The following NAALADL2 variants were observed in gnomAD, a reference collection of about 807,000 sequenced individuals.
NAALADL2 encodes the protein inactive N-acetylated-alpha-linked acidic dipeptidase-like protein 2.
NAALADL2 carries 76 observed loss-of-function variants against 87.2 expected under a neutral mutation model. The ratio of observed to expected loss-of-function variants is 0.87; its 90% CI spans 0.72 to 1.05. The LOEUF (loss-of-function observed/expected upper bound fraction) is 1.05. Among genes scored for constraint, NAALADL2 ranks in the 50% least tolerant of loss-of-function variants. The pLI, the probability that NAALADL2 is intolerant of heterozygous loss-of-function variation, is 0.00. For missense variants in NAALADL2, 1,089 were observed against 945.8 expected, an observed-to-expected ratio of 1.15 and a Z score of -1.99; for synonymous variants, 354 against 331.0, an observed-to-expected ratio of 1.07 and a Z score of -0.75.
intron 5 of NAALADL2, among the ~76,000 whole-genome samples, chr3:175,358,248 C>T (rs758299244): frequency 1.3e-5 from 2 of 152,020 alleles, no homozygotes; most frequent in Non-Finnish European, 2.9e-5. Context: ...TTTTGACATG[C>T]AATCATTTTC....
At chr3:174,961,139 A>C (rs1189084908) in intron 1 of NAALADL2, among the ~76,000 whole-genome samples, 1 of 148,574 alleles carries the variant, frequency 6.7e-6, no homozygotes, top group Non-Finnish European at 1.5e-5. Context: ...AAAATATATA[A>C]TAATACAATG....
At chr3:175,255,675 C>G (rs1451121054) in intron 3 of NAALADL2, among the ~76,000 whole-genome samples, 2 of 152,112 alleles carry the variant, frequency 1.3e-5, no homozygotes, top group African/African-American at 2.4e-5. Context: ...GGATTCACTA[C>G]AAGAGAAGGT....
chr3:174,777,704 TAAAAG>T (rs1318959281), intron 3 of NAALADL2, among the ~76,000 whole-genome samples: 5 of 152,174 alleles, frequency 3.3e-5, no homozygotes, highest in Middle Eastern at 3.4e-3. Context: ...CTTAATGACT[TAAAAG>T]AAATGAAAAA....
chr3:175,196,973 G>C (rs1739107806), intron 2 of NAALADL2, among the ~76,000 whole-genome samples: 1 of 151,642 alleles, frequency 6.6e-6, no homozygotes, highest in South Asian at 2.1e-4. Flanking sequence ...CAGGTTTATG[G>C]TATTGCACTA....
intron 1 of NAALADL2, among the ~76,000 whole-genome samples, chr3:174,937,885 C>T (rs1184380079): frequency 6.6e-6 from 1 of 151,998 alleles, no homozygotes; most frequent in African/African-American, 2.4e-5. Flanking sequence ...ATATACCCTC[C>T]TCTTTGCAAA....
chr3:175,621,081 C>A (rs1726163831), intron 10 of NAALADL2, among the ~76,000 whole-genome samples: 1 of 152,016 alleles, frequency 6.6e-6, no homozygotes, highest in African/African-American at 2.4e-5. Flanking sequence ...AAAGAGTGGG[C>A]AAACAGGAAC....
intron 12 of NAALADL2, among the ~76,000 whole-genome samples, chr3:175,745,304 A>T (rs1437096539): frequency 6.6e-6 from 1 of 152,218 alleles, no homozygotes; most frequent in East Asian, 1.9e-4. Flanking sequence ...TTTGTGGTAT[A>T]TGGAGATATA....
At chr3:175,438,280 G>A (rs1173683893) in intron 5 of NAALADL2, among the ~76,000 whole-genome samples, 1 of 152,062 alleles carries the variant, frequency 6.6e-6, no homozygotes, top group Non-Finnish European at 1.5e-5. Flanking sequence ...ACAGTGGGCT[G>A]TAAGATACTG....
At chr3:174,789,853 A>G (rs375417877) in intron 3 of NAALADL2, among the ~76,000 whole-genome samples, 1 of 152,330 alleles carries the variant, frequency 6.6e-6, no homozygotes, top group East Asian at 1.9e-4. Context: ...ATAGAAGAAC[A>G]ACCTCTGAGT....
At chr3:175,040,382 A>G (rs1753923116) in intron 1 of NAALADL2, among the ~76,000 whole-genome samples, 1 of 152,194 alleles carries the variant, frequency 6.6e-6, no homozygotes, top group Non-Finnish European at 1.5e-5. Flanking sequence ...GACACAAAAT[A>G]GGCAGTCAAT....
chr3:175,127,630 A>G (rs1213935643), intron 2 of NAALADL2, among the ~76,000 whole-genome samples: 1 of 151,368 alleles, frequency 6.6e-6, no homozygotes, highest in Non-Finnish European at 1.5e-5. Context: ...AAATATTACT[A>G]TTAAGTACTC....
intron 3 of NAALADL2, among the ~76,000 whole-genome samples, chr3:174,761,968 G>A (rs1713033138): frequency 6.6e-6 from 1 of 152,098 alleles, no homozygotes; most frequent in African/African-American, 2.4e-5. Flanking sequence ...CATCTGTGCT[G>A]CTCTTTAGAA....
intron 1 of NAALADL2, among the ~76,000 whole-genome samples, chr3:174,501,088 T>TATACTAAGATAGTAGTAGG: frequency 4.5e-4 from 66 of 147,490 alleles, no homozygotes; most frequent in African/African-American, 1.7e-3. Flanking sequence ...TTTTTTTTTT[T>TATACTAAGATAGTAGTAGG]TTTTTTTTGA....
chr3:174,891,277 T>G (rs1312670712), intron 1 of NAALADL2, among the ~76,000 whole-genome samples: 1 of 152,026 alleles, frequency 6.6e-6, no homozygotes, highest in African/African-American at 2.4e-5. Context: ...CCACCAATCA[T>G]CATCCCTTAC....
chr3:175,436,148 A>G (rs1345351330), intron 5 of NAALADL2, among the ~76,000 whole-genome samples: 1 of 144,172 alleles, frequency 6.9e-6, no homozygotes, highest in African/African-American at 2.6e-5. Flanking sequence ...ATGATTTCCA[A>G]TTTCATCCAT....
intron 9 of NAALADL2, among the ~76,000 whole-genome samples, chr3:175,511,778 T>C (rs1201523549): frequency 6.6e-6 from 1 of 152,210 alleles, no homozygotes; most frequent in Non-Finnish European, 1.5e-5. Flanking sequence ...GGATAGAGTT[T>C]GCGCTTCTGC....
intron 9 of NAALADL2, among the ~76,000 whole-genome samples, chr3:175,491,024 T>A (rs1188612189): frequency 2.0e-5 from 3 of 151,946 alleles, no homozygotes; most frequent in Non-Finnish European, 2.9e-5. Flanking sequence ...GGATAGAGAC[T>A]TTTTTTAAAA....
At chr3:175,534,783 A>T (rs1351411777) in intron 9 of NAALADL2, among the ~76,000 whole-genome samples, 4 of 151,844 alleles carry the variant, frequency 2.6e-5, no homozygotes, top group Non-Finnish European at 4.4e-5. Context: ...CCATTTCTTT[A>T]GGATTTATTG....
At chr3:175,493,911 T>C (rs76873761) in intron 9 of NAALADL2, among the ~76,000 whole-genome samples, 10,715 of 152,216 alleles carry the variant, frequency 0.07, 437 homozygotes, top group South Asian at 0.15. Flanking sequence ...GAAGCTCAGA[T>C]ACCAGTTTGA....
Sources: gnomAD v4.1 joint callset for allele counts (sites outside exome capture counted in the v4.1 genomes callset) on GRCh38, gnomAD v4.1.1 for gene constraint, MANE v1.5 for transcripts, NCBI Gene and HGNC (gene_info 2026-07-23, HGNC 2026-07-21) for gene names.